Variants in AAR2 observed in about 807,000 individuals in gnomAD.
AAR2 encodes AAR2 splicing factor.
AAR2 carries 31 observed loss-of-function variants against 26.9 expected under a neutral mutation model. The ratio of observed to expected loss-of-function variants is 1.15; its 90% confidence interval spans 0.86 to 1.55. AAR2 has a LOEUF of 1.55. AAR2 is among the 40% of genes most tolerant of loss of function. The probability of loss-of-function intolerance (pLI) is 0.00; values close to 1 mark genes in which losing one functional copy is unlikely to be tolerated. For synonymous variants in AAR2, 188 were observed against 196.1 expected, an observed-to-expected ratio of 0.96 and a Z score of 0.34; for missense variants, 430 against 491.3, an observed-to-expected ratio of 0.88 and a Z score of 1.18.
chr20:36,250,654 C>T (rs951861532), intron 3 of AAR2, among the ~76,000 whole-genome samples: 8 of 152,070 alleles, frequency 5.3e-5, no homozygotes, highest in African/African-American at 1.9e-4. Flanking sequence ...GCTAAGGGGC[C>T]GCACAAGGGA....
chr20:36,239,466 G>A, intron 1 of AAR2, among the ~76,000 whole-genome samples: 1 of 152,188 alleles, frequency 6.6e-6, no homozygotes, highest in East Asian at 1.9e-4. Context: ...ACCCTCTGTT[G>A]TGAGAAAGAG....
rs1420114232 is a variant in AAR2 at position 36,240,644 on chromosome 20, C to T, written c.757+19C>T. 1.2e-6 allele frequency: 2 copies of T among 1,600,956 alleles called. No homozygotes were observed. Among genetic ancestry groups the T allele is most frequent in the South Asian group, 1.1e-5 (1 of 90,562 alleles). ...GTGCTTGGTGAGAAGGAACAAGGCT[C>T]TTTGGGAGTGGGCCAAGGGGAGGAT... On this transcript the variant is annotated intron_variant, in intron 2 of 3. Coordinates refer to ENST00000320849, the MANE Select transcript of AAR2 (RefSeq NM_001271874.2).
chr20:36,237,169 A>G (rs1256567701), intron 1 of AAR2, among the ~76,000 whole-genome samples: 1 of 152,160 alleles, frequency 6.6e-6, no homozygotes, highest in Non-Finnish European at 1.5e-5. Flanking sequence ...CTTGTGGGGG[A>G]CCATTGTGTG....
At position 36,240,348 on chromosome 20, in the gene AAR2, T is replaced by C. The variant is rs144623771; in HGVS notation, c.480T>C (p.Asp160=). Reference sequence around the variant, plus strand: ...ATCGACAGATCTGTGCCTTTTCCGATGTGCTACCTGTGCTCTCCATGAAGC... The same window carrying C: ...ATCGACAGATCTGTGCCTTTTCCGACGTGCTACCTGTGCTCTCCATGAAGC... ...PENRQICAFS[D]VLPVLSMKHT... Residue 160 remains aspartate (D), a synonymous_variant, in exon 2 of 4, where the codon GAT becomes GAC. Transcript: ENST00000320849. 4.2e-5 allele frequency: 68 copies of C among 1,614,098 alleles called. No homozygotes were observed. The highest frequency in any genetic ancestry group is 1.0e-4 in the Admixed American group (6 of 60,010).
rs1457296338 is a variant in AAR2 at position 36,255,573 on chromosome 20, T to C, written c.988-5T>C. On this transcript the variant is annotated splice_region_variant and splice_polypyrimidine_tract_variant and intron_variant, in intron 3 of 3. Transcript: ENST00000320849. ...CAGGAGTGACTTATCCTCTGTTCTC[T>C]GTAGGTTTTCTTTTCCTCTGCCTGC... 2 of 1,614,104 alleles carry C rather than the reference T, an allele frequency of 1.2e-6. No homozygotes were observed. Among genetic ancestry groups the C allele is most frequent in the African/African-American group, 2.7e-5 (2 of 74,944 alleles).
At chr20:36,246,105 T>A (rs779837126) in intron 3 of AAR2, among the ~76,000 whole-genome samples, 5 of 152,196 alleles carry the variant, frequency 3.3e-5, no homozygotes, top group Non-Finnish European at 7.3e-5. Flanking sequence ...AATGGTTAAA[T>A]CACTTACTTG....
intron 3 of AAR2, among the ~76,000 whole-genome samples, chr20:36,246,024 A>C (rs1182959692): frequency 1.3e-5 from 2 of 152,156 alleles, no homozygotes; most frequent in African/African-American, 2.4e-5. Flanking sequence ...GACCCTGTTC[A>C]CTCATTGAAT....
At chr20:36,245,757 A>G (rs922485350) in intron 3 of AAR2, among the ~76,000 whole-genome samples, 30 of 152,202 alleles carry the variant, frequency 2.0e-4, no homozygotes, top group African/African-American at 7.0e-4. Context: ...GTGGTGGTTC[A>G]TGACTGTAAT....
At chr20:36,242,682 C>T (rs1050241737) in intron 2 of AAR2, among the ~76,000 whole-genome samples, 1 of 152,178 alleles carries the variant, frequency 6.6e-6, no homozygotes, top group African/African-American at 2.4e-5. Context: ...CGTGAGCCAC[C>T]GCACCCAGCC....
At chr20:36,251,996 G>A (rs1239555083) in intron 3 of AAR2, among the ~76,000 whole-genome samples, 26 of 152,190 alleles carry the variant, frequency 1.7e-4, no homozygotes, top group Admixed American at 1.7e-3. Flanking sequence ...GATATGCTTT[G>A]TGGCACACAT....
chr20:36,251,135 G>T (rs1212276980), intron 3 of AAR2, among the ~76,000 whole-genome samples: 1 of 151,814 alleles, frequency 6.6e-6, no homozygotes, highest in Non-Finnish European at 1.5e-5. Context: ...GGTTAAGGCT[G>T]CAGTAAGCTG....
At chr20:36,237,414 TGGATGGATGTGACTTTAGGTGTTCCA>T (rs972914281) in intron 1 of AAR2, among the ~76,000 whole-genome samples, 1 of 151,942 alleles carries the variant, frequency 6.6e-6, no homozygotes, top group African/African-American at 2.4e-5. Flanking sequence ...TGGAGAGAAG[TGGATGGATGTGACTTTAGGTGTTCCA>T]GGACTGTGAG....
chr20:36,249,097 A>T (rs1258730143), intron 3 of AAR2, among the ~76,000 whole-genome samples: 1 of 152,144 alleles, frequency 6.6e-6, no homozygotes, highest in African/African-American at 2.4e-5. Context: ...ATGGAGAGGG[A>T]CTGGTGTTTG....
chr20:36,237,819 G>C (rs771383089), intron 1 of AAR2, among the ~76,000 whole-genome samples: 1 of 149,886 alleles, frequency 6.7e-6, no homozygotes, highest in Non-Finnish European at 1.5e-5. Flanking sequence ...AATTCGCTCA[G>C]ACCCCCAGGC....
intron 1 of AAR2, among the ~76,000 whole-genome samples, chr20:36,237,130 A>C (rs1175093686): frequency 6.6e-6 from 1 of 152,206 alleles, no homozygotes; most frequent in African/African-American, 2.4e-5. Context: ...TCAGGTTCTG[A>C]AAGAGGCCGT....
At chr20:36,252,386 C>T (rs762487426) in intron 3 of AAR2, among the ~76,000 whole-genome samples, 3 of 152,126 alleles carry the variant, frequency 2.0e-5, no homozygotes, top group Non-Finnish European at 2.9e-5. Flanking sequence ...GTGAAAGAGC[C>T]GCTGCTGTGA....
Position 36,240,016 on chromosome 20 carries a change from A to T in AAR2, c.148A>T (p.Met50Leu), listed in dbSNP as rs2064659070. 6.2e-7 allele frequency: 1 copy of T among 1,614,198 alleles called. No individual in the cohort carries two copies. The highest frequency in any genetic ancestry group is 8.5e-7 in the Non-Finnish European group (1 of 1,180,026). ...EVGPKFRGVK[M>L]IPPGIHFLHY... ...CGGGCCCAAGTTCCGGGGCGTGAAG[A>T]TGATCCCTCCAGGCATCCACTTCCT... Residue 50 changes from methionine (M) to leucine (L), a missense_variant, in exon 2 of 4, where the codon ATG (methionine) becomes TTG (leucine). Physicochemically the swap from Met to Leu is conservative, Grantham distance 15. Transcript: ENST00000320849.
rs546619807 is a variant in AAR2 at position 36,241,069 on chromosome 20, A to AT, written c.757+454dup. Among the ~76,000 whole-genome samples the AT allele has an allele frequency of 1.6e-3, 234 of 150,356 alleles. 1 individual carries two copies. In the Middle Eastern group the frequency reaches 0.017, roughly 11 times the overall value. On this transcript the variant is annotated intron_variant, in intron 2 of 3. Transcript: ENST00000320849. Reference sequence around the variant, plus strand: ...TCAACTGGCTTAGAACAGGACAGTGATTTTTTTTTTAATCATTACAGTTTT... The same window carrying AT: ...TCAACTGGCTTAGAACAGGACAGTGATTTTTTTTTTTAATCATTACAGTTTT...
intron 3 of AAR2, among the ~76,000 whole-genome samples, chr20:36,254,543 A>G (rs2064804462): frequency 6.6e-6 from 1 of 152,084 alleles, no homozygotes; most frequent in Non-Finnish European, 1.5e-5. Flanking sequence ...TTGCTGTTTA[A>G]TGGCTGCAGA....
Sources: gnomAD v4.1 joint callset for allele counts (sites outside exome capture counted in the v4.1 genomes callset) on GRCh38, gnomAD v4.1.1 for gene constraint, MANE v1.5 for transcripts, NCBI Gene and HGNC (gene_info 2026-07-23, HGNC 2026-07-21) for gene names.